The following C4orf17 variants were observed in gnomAD, a reference collection of about 807,000 sequenced individuals.
C4orf17 encodes the protein chromosome 4 open reading frame 17.
C4orf17 carries 25 observed loss-of-function variants against 32.0 expected under a neutral mutation model. The ratio of observed to expected loss-of-function variants is 0.78; its 90% CI spans 0.57 to 1.09. The LOEUF is 1.09. Among genes scored for constraint, C4orf17 ranks in the 50% least tolerant of loss-of-function variants. The pLI is 0.00. For synonymous variants in C4orf17, 149 were observed against 145.8 expected (o/e 1.02, Z -0.16); for missense variants, 420 against 420.0 (o/e 1.00, Z 0.00).
Position 99,539,262 on chromosome 4 carries a change from C to G in C4orf17, c.728C>G (p.Thr243Ser), listed in dbSNP as rs768093497. The change falls in exon 7 of 9, where the codon ACT becomes AGT. Residue 243 changes from threonine (T) to serine (S), a missense_variant. By Grantham distance (58) the Thr-to-Ser change is moderately conservative. Coordinates refer to ENST00000326581, the MANE Select transcript of C4orf17 (RefSeq NM_032149.3). Reference protein sequence around the residue: ...RNTSMEPAAETGKPPTVKSPP... With the variant: ...RNTSMEPAAESGKPPTVKSPP... ...ACCTCAATGGAACCAGCAGCAGAGA[C>G]TGGGAAGCCACCCACAGTTAAATCA... The G allele has an allele frequency of 2.5e-6, 4 of 1,613,940 alleles. No homozygotes were observed. The African/African-American group carries it at 5.3e-5, about 22-fold the overall frequency.
At chr4:99,535,744 A>T (rs62304984) in intron 5 of C4orf17, among the ~76,000 whole-genome samples, 4,578 of 152,280 alleles carry the variant, frequency 0.03, 98 homozygotes, top group South Asian at 0.054. Context: ...TCATTCAGCC[A>T]TCTCAGCCTC....
At chr4:99,513,314 T>C in intron 2 of C4orf17, 106 bp downstream of exon 2, 4 of 1,371,524 alleles carry the variant, frequency 2.9e-6, no homozygotes, top group Non-Finnish European at 4.1e-6. Context: ...ATTTAACCAC[T>C]GGAGAGGTAT....
intron 2 of C4orf17, among the ~76,000 whole-genome samples, chr4:99,518,540 TATATAGAGAGAG>T (rs1353462637): frequency 2.3e-4 from 16 of 68,808 alleles, no homozygotes; most frequent in South Asian, 1.1e-3. Flanking sequence ...TATATATATA[TATATAGAGAGAG>T]AGAGAGAGAG....
chr4:99,528,128 T>A (rs1049856708), intron 4 of C4orf17, among the ~76,000 whole-genome samples: 2 of 152,196 alleles, frequency 1.3e-5, no homozygotes, highest in African/African-American at 4.8e-5. Context: ...CTTATATTCT[T>A]TTAAAAATAT....
chr4:99,540,133 G>T (rs552831640), intron 7 of C4orf17, among the ~76,000 whole-genome samples: 10 of 151,952 alleles, frequency 6.6e-5, no homozygotes, highest in Non-Finnish European at 1.5e-4. Flanking sequence ...CTAACTGTCC[G>T]TATCTTAAAG....
chr4:99,532,853 T>G (rs1015097175), intron 5 of C4orf17, among the ~76,000 whole-genome samples: 1 of 152,174 alleles, frequency 6.6e-6, no homozygotes, highest in Non-Finnish European at 1.5e-5. Context: ...CCAGGAGACT[T>G]TGTAGCTCAG....
chr4:99,536,000 G>T (rs752099852), intron 5 of C4orf17: 3 of 449,378 alleles, frequency 6.7e-6, no homozygotes, highest in East Asian at 7.1e-5. Flanking sequence ...TTTGCTGGGG[G>T]TCTGCTCCAG....
At chr4:99,523,436 T>TA (rs1560587242) in intron 3 of C4orf17, among the ~76,000 whole-genome samples, 1 of 152,202 alleles carries the variant, frequency 6.6e-6, no homozygotes, top group Non-Finnish European at 1.5e-5. Context: ...AGTGGTCAAT[T>TA]ATAGAGTACT....
At position 99,541,894 on chromosome 4, in the gene C4orf17, T is replaced by C; in HGVS notation, c.881-16T>C. On this transcript the variant is annotated splice_polypyrimidine_tract_variant and intron_variant, in intron 8 of 8. Transcript: ENST00000326581. ...TCTCAATTATGGTCTTATTTAGATT[T>C]TTTTCTCTATTTCAGAGGCTGAGCA... is the stretch of plus-strand genomic sequence containing the variant. 2 of 1,591,158 alleles carry C rather than the reference T, an allele frequency of 1.3e-6. No homozygotes were observed. The highest frequency in any genetic ancestry group is 1.7e-6 in the Non-Finnish European group (2 of 1,163,906).
chr4:99,519,428 C>T (rs1723248379), intron 2 of C4orf17: 1 of 152,152 alleles, frequency 6.6e-6, no homozygotes, highest in African/African-American at 2.4e-5. Flanking sequence ...TTATTTTCTT[C>T]ATTATTTGAA....
At chr4:99,518,600 G>C (rs1318884403) in intron 2 of C4orf17, among the ~76,000 whole-genome samples, 1 of 143,762 alleles carries the variant, frequency 7.0e-6, no homozygotes, top group African/African-American at 2.6e-5. Context: ...GAGACAGAGA[G>C]AGAGAGAGAC....
intron 5 of C4orf17, chr4:99,536,187 C>T (rs10019266): frequency 0.3 from 69,126 of 229,322 alleles, 11,664 homozygotes; most frequent in African/African-American, 0.48. Flanking sequence ...GGAGGTATTA[C>T]CGGGTCAGGA....
intron 5 of C4orf17, among the ~76,000 whole-genome samples, chr4:99,531,388 C>T (rs1212556806): frequency 6.6e-6 from 1 of 152,020 alleles, no homozygotes; most frequent in Non-Finnish European, 1.5e-5. Flanking sequence ...AGAAAATCAG[C>T]TAAATATATA....
intron 4 of C4orf17, among the ~76,000 whole-genome samples, chr4:99,529,195 C>G (rs1473713328): frequency 6.6e-6 from 1 of 152,166 alleles, no homozygotes; most frequent in Non-Finnish European, 1.5e-5. Context: ...GAAAGCCTTT[C>G]CTGGAACAGG....
intron 5 of C4orf17, among the ~76,000 whole-genome samples, 154 bp downstream of exon 5, chr4:99,530,112 A>G (rs1040104643): frequency 2.0e-5 from 3 of 152,090 alleles, no homozygotes; most frequent in African/African-American, 2.4e-5. Flanking sequence ...GCATACTCCT[A>G]TTTTCATTCC....
intron 4 of C4orf17, among the ~76,000 whole-genome samples, chr4:99,528,968 A>C (rs891529379): frequency 3.3e-5 from 5 of 152,228 alleles, no homozygotes; most frequent in African/African-American, 1.2e-4. Flanking sequence ...AAGAGCTATC[A>C]ACAACATTAA....
intron 7 of C4orf17, 114 bp from the exon 8 acceptor site, chr4:99,540,298 G>T: frequency 1.6e-6 from 1 of 621,202 alleles, no homozygotes; most frequent in Non-Finnish European, 2.8e-6. Flanking sequence ...ACAAAGAATT[G>T]GGGTAGCATA....
intron 3 of C4orf17, among the ~76,000 whole-genome samples, chr4:99,523,031 C>T (rs1244023561): frequency 3.9e-5 from 6 of 151,952 alleles, no homozygotes; most frequent in African/African-American, 7.3e-5. Context: ...TGATGTCAGA[C>T]GAAAATCGAG....
At chr4:99,535,122 C>T (rs10013883) in intron 5 of C4orf17, among the ~76,000 whole-genome samples, 18,956 of 152,116 alleles carry the variant, frequency 0.12, 1,187 homozygotes, top group South Asian at 0.21. Flanking sequence ...GCCTGATGGA[C>T]TTCCCTTTGT....
Sources: allele counts gnomAD v4.1 joint callset (sites outside exome capture counted in the v4.1 genomes callset), GRCh38; gene constraint gnomAD v4.1.1; transcripts MANE v1.5; gene names NCBI Gene and HGNC (gene_info 2026-07-23, HGNC 2026-07-21).